The following ANKS3 variants were observed in gnomAD, a reference collection of about 807,000 sequenced individuals.
ANKS3 encodes ankyrin repeat and SAM domain-containing protein 3.
In ANKS3, 62 loss-of-function variants were observed where a neutral mutation model predicts 80.7. The observed-to-expected ratio is 0.77, with a 90% CI of 0.63 to 0.95. The LOEUF is 0.95. ANKS3 is among the 40% of genes least tolerant of loss of function. The probability of loss-of-function intolerance (pLI) is 0.00; values close to 1 mark genes in which losing one functional copy is unlikely to be tolerated. For synonymous variants in ANKS3, 489 were observed against 355.3 expected, an observed-to-expected ratio of 1.38 and a Z score of -4.23; for missense variants, 1,150 against 883.6, an observed-to-expected ratio of 1.30 and a Z score of -3.82.
intron 7 of ANKS3, among the ~76,000 whole-genome samples, chr16:4,707,308 G>C (rs2080248995): frequency 7.0e-6 from 1 of 142,238 alleles, no homozygotes; most frequent in Non-Finnish European, 1.5e-5. Flanking sequence ...TTGAAACAGA[G>C]TTTCACTCCG....
At chr16:4,732,459 G>C (rs115748038) in intron 1 of ANKS3, among the ~76,000 whole-genome samples, 5 of 152,102 alleles carry the variant, frequency 3.3e-5, no homozygotes, top group African/African-American at 1.2e-4. Flanking sequence ...AAGCGTGACG[G>C]ACCACTTGAG....
At chr16:4,716,133 G>A (rs1367890467) in intron 6 of ANKS3, among the ~76,000 whole-genome samples, 4 of 151,740 alleles carry the variant, frequency 2.6e-5, no homozygotes, top group Non-Finnish European at 4.4e-5. Flanking sequence ...CGAGGTGGAC[G>A]GAGCACAAGG....
At chr16:4,726,107 C>T (rs1156569250) in intron 5 of ANKS3, among the ~76,000 whole-genome samples, 1 of 151,740 alleles carries the variant, frequency 6.6e-6, no homozygotes, top group Non-Finnish European at 1.5e-5. Context: ...TCCCGAGTAG[C>T]TGGGACTACA....
chr16:4,715,402 G>A (rs115291444), intron 6 of ANKS3, among the ~76,000 whole-genome samples: 3,286 of 152,328 alleles, frequency 0.022, 48 homozygotes, highest in Non-Finnish European at 0.03. Context: ...AAAGCTCAGA[G>A]GAGGAGGCGG....
At chr16:4,729,196 C>T (rs911164607) in intron 3 of ANKS3, among the ~76,000 whole-genome samples, 1 of 152,126 alleles carries the variant, frequency 6.6e-6, no homozygotes, top group Non-Finnish European at 1.5e-5. Flanking sequence ...AACTATTGTA[C>T]ACAGATTAGC....
chr16:4,712,142 A>G (rs1373302721), intron 7 of ANKS3, among the ~76,000 whole-genome samples: 218 of 152,010 alleles, frequency 1.4e-3, no homozygotes, highest in African/African-American at 5.0e-3. Flanking sequence ...AGGCTGAGGC[A>G]GGCGGATCAC....
intron 10 of ANKS3, 61 bp from the exon 11 acceptor site, chr16:4,701,195 C>A: frequency 2.5e-6 from 4 of 1,597,760 alleles, no homozygotes; most frequent in Non-Finnish European, 3.4e-6. Context: ...CTTGGTGAAA[C>A]CCCCACCCGC....
intron 17 of ANKS3, 33 bp downstream of exon 17, chr16:4,696,984 C>T (rs1177366350): frequency 1.9e-6 from 3 of 1,605,620 alleles, no homozygotes; most frequent in Middle Eastern, 1.7e-4. Flanking sequence ...CTGCTGCTCC[C>T]ACCACGCGGG....
In ANKS3 at chr16:4,730,017, T is replaced by C; in HGVS notation, c.133A>G (p.Ile45Val). Residue 45 changes from isoleucine (I) to valine (V), a missense_variant, in exon 3 of 18, where the codon ATT (isoleucine) becomes GTT (valine). Coordinates refer to ENST00000304283, the MANE Select transcript of ANKS3 (RefSeq NM_133450.4). Reference protein sequence around the residue: ...VPLDLHTAASIGQYEVVKECV... With the variant: ...VPLDLHTAASVGQYEVVKECV... ...TCCTTCACCACTTCATACTGGCCAA[T>C]GGAAGCAGCTGTGTGAAGATCCAGG... The C allele has an allele frequency of 6.4e-7, 1 of 1,567,644 alleles. No individual in the cohort carries two copies. The highest frequency in any genetic ancestry group is 8.7e-7 in the Non-Finnish European group (1 of 1,152,066).
intron 6 of ANKS3, among the ~76,000 whole-genome samples, chr16:4,714,940 T>C (rs8047699): frequency 0.11 from 14,064 of 130,240 alleles, 1,522 homozygotes; most frequent in African/African-American, 0.31. Context: ...TGCAGTGAGC[T>C]GAGATCATGC....
At chr16:4,728,993 G>A (rs1433411861) in intron 3 of ANKS3, among the ~76,000 whole-genome samples, 1 of 152,206 alleles carries the variant, frequency 6.6e-6, no homozygotes, top group African/African-American at 2.4e-5. Context: ...GGAACTGGAA[G>A]AGGCACGCAG....
At position 4,697,001 on chromosome 16, in the gene ANKS3, G is replaced by C; in HGVS notation, c.*11+16C>G. 1 of 1,610,730 alleles carries C rather than the reference G, an allele frequency of 6.2e-7. No homozygotes were observed. Among genetic ancestry groups the C allele is most frequent in the Non-Finnish European group, 8.5e-7 (1 of 1,178,752 alleles). On this transcript the variant is annotated intron_variant, in intron 17 of 17. Coordinates refer to ENST00000304283, the MANE Select transcript of ANKS3 (RefSeq NM_133450.4). Reference sequence around the variant, plus strand: ...GCTGCTCCCACCACGCGGGATCCAGGCTGGCAGACACTCACCGGCCCGCAG... The same window carrying C: ...GCTGCTCCCACCACGCGGGATCCAGCCTGGCAGACACTCACCGGCCCGCAG...
intron 1 of ANKS3, among the ~76,000 whole-genome samples, chr16:4,732,601 G>C (rs1000546627): frequency 6.7e-6 from 1 of 150,244 alleles, no homozygotes; most frequent in African/African-American, 2.5e-5. Context: ...AGAATCGCTT[G>C]AGCCTGGGAG....
chr16:4,721,637 T>G (rs562237281), intron 6 of ANKS3, among the ~76,000 whole-genome samples: 3,166 of 149,872 alleles, frequency 0.021, 148 homozygotes, highest in Non-Finnish European at 0.033. Flanking sequence ...TTTATTTATT[T>G]ATTTATTTAT....
At chr16:4,726,905 C>T in intron 4 of ANKS3, 74 bp downstream of exon 4, 2 of 1,605,674 alleles carry the variant, frequency 1.2e-6, no homozygotes, top group East Asian at 4.5e-5. Flanking sequence ...CCGTGGCCTG[C>T]AGTGGTTCGC....
At chr16:4,729,120 G>C (rs1324177925) in intron 3 of ANKS3, among the ~76,000 whole-genome samples, 1 of 152,202 alleles carries the variant, frequency 6.6e-6, no homozygotes, top group East Asian at 1.9e-4. Context: ...CCAAAAACAA[G>C]ATGATCACAT....
chr16:4,710,069 G>A (rs2080403107), intron 7 of ANKS3, among the ~76,000 whole-genome samples: 1 of 152,044 alleles, frequency 6.6e-6, no homozygotes, highest in Non-Finnish European at 1.5e-5. Context: ...CCATTTACAG[G>A]ATTTTTAAAA....
chr16:4,697,139 G>A lies in ANKS3; in HGVS notation c.1895-35C>T, dbSNP rs1328310859. The A allele has an allele frequency of 2.5e-6, 4 of 1,604,226 alleles. No individual in the cohort carries two copies. The African/African-American group carries it at 4.0e-5, about 16-fold the overall frequency. On this transcript the variant is annotated intron_variant, in intron 16 of 17. Coordinates refer to ENST00000304283, the MANE Select transcript of ANKS3 (RefSeq NM_133450.4). ...GATGACCTTGAGCCTCTCCCGGCCA[G>A]GCTCAGGAGGGCTGGGTGGTGCTGC... is the stretch of plus-strand genomic sequence containing the variant.
At chr16:4,721,200 G>T (rs1335668913) in intron 6 of ANKS3, among the ~76,000 whole-genome samples, 3 of 150,664 alleles carry the variant, frequency 2.0e-5, no homozygotes, top group Non-Finnish European at 4.4e-5. Flanking sequence ...AGCTACTCGG[G>T]AGGCTGAGGC....
Sources: gnomAD v4.1 joint callset for allele counts (sites outside exome capture counted in the v4.1 genomes callset) on GRCh38, gnomAD v4.1.1 for gene constraint, MANE v1.5 for transcripts, NCBI Gene and HGNC (gene_info 2026-07-23, HGNC 2026-07-21) for gene names.